ADAMTSL1: variants seen among roughly 807,000 people sequenced by gnomAD.
The protein encoded by ADAMTSL1 is ADAMTS like 1, also known as ADAMTS-like protein 1.
In ADAMTSL1, 126 loss-of-function variants were observed where a neutral mutation model predicts 201.8. The observed-to-expected ratio is 0.62, with a 90% CI of 0.54 to 0.72. The LOEUF (loss-of-function observed/expected upper bound fraction) is 0.72, where lower values mean the gene tolerates loss of function less well. ADAMTSL1 is among the 30% of genes least tolerant of loss of function. The probability of loss-of-function intolerance (pLI) is 0.00; values close to 1 mark genes in which losing one functional copy is unlikely to be tolerated. For synonymous variants in ADAMTSL1, 1,121 were observed against 903.4 expected, an observed-to-expected ratio of 1.24 and a Z score of -4.32; for missense variants, 2,679 against 2,277.8, an observed-to-expected ratio of 1.18 and a Z score of -3.59.
chr9:18,898,022 C>CAA (rs34613156), intron 26 of ADAMTSL1, among the ~76,000 whole-genome samples: 11 of 141,662 alleles, frequency 7.8e-5, no homozygotes, highest in Middle Eastern at 3.7e-3. Context: ...CTAAAAATAT[C>CAA]AAAAAAAAAA....
chr9:18,174,601 T>A (rs1443937839), intron 2 of ADAMTSL1, among the ~76,000 whole-genome samples: 1 of 152,192 alleles, frequency 6.6e-6, no homozygotes, highest in African/African-American at 2.4e-5. Flanking sequence ...CTAATATGGA[T>A]ACACATGACT....
intron 1 of ADAMTSL1, among the ~76,000 whole-genome samples, chr9:18,475,863 G>T (rs1424904881): frequency 6.6e-6 from 1 of 151,936 alleles, no homozygotes; most frequent in Non-Finnish European, 1.5e-5. Flanking sequence ...TTATACTTTA[G>T]TAAAACTTTC....
At chr9:18,212,149 AG>A (rs1295596293) in intron 2 of ADAMTSL1, among the ~76,000 whole-genome samples, 15 of 152,258 alleles carry the variant, frequency 9.9e-5, no homozygotes, top group African/African-American at 3.4e-4. Context: ...TATGTATTTG[AG>A]TCTTGCGCCC....
intron 2 of ADAMTSL1, among the ~76,000 whole-genome samples, chr9:18,432,366 A>G (rs1292127472): frequency 6.6e-6 from 1 of 152,218 alleles, no homozygotes; most frequent in Non-Finnish European, 1.5e-5. Flanking sequence ...GGTTTTCACC[A>G]TGTATGAATC....
chr9:18,553,269 T>C (rs867353204), intron 3 of ADAMTSL1, among the ~76,000 whole-genome samples: 38 of 151,076 alleles, frequency 2.5e-4, no homozygotes, highest in Admixed American at 4.0e-4. Context: ...TTAAAAGTTA[T>C]ATATCCATTT....
chr9:18,676,238 C>T (rs1830122180), intron 10 of ADAMTSL1, among the ~76,000 whole-genome samples: 1 of 151,998 alleles, frequency 6.6e-6, no homozygotes, highest in African/African-American at 2.4e-5. Flanking sequence ...CTCAATAGGA[C>T]CCTAGTCATT....
At chr9:18,608,108 C>G (rs1825146450) in intron 4 of ADAMTSL1, among the ~76,000 whole-genome samples, 1 of 152,128 alleles carries the variant, frequency 6.6e-6, no homozygotes, top group Admixed American at 6.5e-5. Context: ...AATGCCTTTT[C>G]TTCTTTTCCC....
chr9:18,151,253 A>G (rs1177465468), intron 1 of ADAMTSL1, among the ~76,000 whole-genome samples: 2 of 152,084 alleles, frequency 1.3e-5, no homozygotes, highest in African/African-American at 2.4e-5. Context: ...CCTTTACACA[A>G]CTGTAATGTG....
At chr9:18,104,398 A>C (rs1489631667) in intron 1 of ADAMTSL1, among the ~76,000 whole-genome samples, 1 of 152,206 alleles carries the variant, frequency 6.6e-6, no homozygotes, top group African/African-American at 2.4e-5. Flanking sequence ...TTGATTATAC[A>C]GTGCTTAGTA....
chr9:18,135,719 G>A (rs754710162), intron 1 of ADAMTSL1, among the ~76,000 whole-genome samples: 4 of 152,074 alleles, frequency 2.6e-5, no homozygotes, highest in Admixed American at 6.6e-5. Flanking sequence ...TATCATATGT[G>A]TATGTATCCT....
intron 1 of ADAMTSL1, among the ~76,000 whole-genome samples, chr9:18,007,357 T>TCCA (rs1383270692): frequency 3.3e-5 from 5 of 152,040 alleles, no homozygotes; most frequent in African/African-American, 1.2e-4. Context: ...AATTTATATT[T>TCCA]TTGAACAGTT....
intron 26 of ADAMTSL1, among the ~76,000 whole-genome samples, chr9:18,903,001 T>A (rs1830095205): frequency 6.6e-6 from 1 of 152,088 alleles, no homozygotes; most frequent in Non-Finnish European, 1.5e-5. Context: ...GGTCAGGAGT[T>A]CAAGACCAGC....
chr9:18,626,873 T>G lies in ADAMTSL1; in HGVS notation c.601+4504T>G, dbSNP rs7021213. 6.1e-3 allele frequency among the ~76,000 whole-genome samples: 617 copies of G among 100,440 alleles called. 2 individuals are homozygous for G. The highest frequency in any genetic ancestry group is 0.028 in the Middle Eastern group (7 of 250). The allele number at this position is 100,440 out of a possible 152,430, so 65.9% of individuals were successfully genotyped here. ...TTTCTTTCTTTCTTTCTTTCTGTCT[T>G]TCTTCCTTCCTTCCTTCCTTCCTTC... On this transcript the variant is annotated intron_variant, in intron 5 of 28. Transcript: ENST00000380548.
intron 1 of ADAMTSL1, among the ~76,000 whole-genome samples, chr9:18,125,031 G>T (rs1297366238): frequency 1.1e-4 from 17 of 151,982 alleles, no homozygotes. Flanking sequence ...ATCTCTTGCT[G>T]TTAAAAAACA....
At chr9:18,315,631 C>A (rs1049876684) in intron 2 of ADAMTSL1, among the ~76,000 whole-genome samples, 1 of 152,168 alleles carries the variant, frequency 6.6e-6, no homozygotes, top group East Asian at 1.9e-4. Context: ...GAGTGCGGGG[C>A]CCACCGATCC....
intron 14 of ADAMTSL1, among the ~76,000 whole-genome samples, chr9:18,719,325 G>T (rs907496637): frequency 2.0e-5 from 3 of 152,170 alleles, no homozygotes; most frequent in African/African-American, 7.2e-5. Context: ...GGTAAATATT[G>T]TGATTCTTTT....
At chr9:18,337,753 TA>T (rs1835303530) in intron 2 of ADAMTSL1, among the ~76,000 whole-genome samples, 1 of 152,202 alleles carries the variant, frequency 6.6e-6, no homozygotes, top group South Asian at 2.1e-4. Flanking sequence ...ACTGGTGCTG[TA>T]GTTCATGGAG....
At chr9:18,168,021 T>G (rs1366954068) in intron 2 of ADAMTSL1, among the ~76,000 whole-genome samples, 2 of 152,140 alleles carry the variant, frequency 1.3e-5, no homozygotes, top group East Asian at 3.9e-4. Context: ...AAGAGAAGAA[T>G]GAACTAACAT....
At chr9:18,130,210 C>T (rs887530213) in intron 1 of ADAMTSL1, among the ~76,000 whole-genome samples, 7 of 152,134 alleles carry the variant, frequency 4.6e-5, no homozygotes, top group Non-Finnish European at 1.5e-5. Context: ...TTCACAGGGG[C>T]ATTTTCACCT....
Sources: allele counts gnomAD v4.1 joint callset (sites outside exome capture counted in the v4.1 genomes callset), GRCh38; gene constraint gnomAD v4.1.1; transcripts MANE v1.5; gene names NCBI Gene and HGNC (gene_info 2026-07-23, HGNC 2026-07-21).